TNRC6C: variants seen among roughly 807,000 people sequenced by gnomAD.
TNRC6C encodes trinucleotide repeat containing adaptor 6C.
A neutral mutation model predicts 153.7 loss-of-function variants in TNRC6C; 20 were observed. The observed-to-expected ratio is 0.13, with a 90% CI of 0.09 to 0.19. The LOEUF (loss-of-function observed/expected upper bound fraction) is 0.19, where lower values mean the gene tolerates loss of function less well. Ranked by LOEUF, TNRC6C falls within the 10% of genes least tolerant of loss-of-function variation. The pLI is 1.00. For missense variants in TNRC6C, 1,987 were observed against 2,172.0 expected (o/e 0.91, Z 1.69); for synonymous variants, 811 against 841.4 (o/e 0.96, Z 0.63).
At chr17:78,107,619 G>A (rs1161197749) in exon 20 of TNRC6C, 1 of 152,170 alleles carries the variant, frequency 6.6e-6, no homozygotes, top group Admixed American at 6.5e-5. Context: ...CCATTGTTTT[G>A]CTTTATTCTA....
chr17:78,013,985 C>T (rs1445290598), intron 1 of TNRC6C, among the ~76,000 whole-genome samples: 1 of 152,216 alleles, frequency 6.6e-6, no homozygotes. Context: ...GCCAATTTCT[C>T]TCCTCCTGCA....
exon 13 of TNRC6C, chr17:78,086,997 G>T: frequency 6.2e-7 from 1 of 1,613,766 alleles, no homozygotes; most frequent in Non-Finnish European, 8.5e-7. Flanking sequence ...ATCGGCCATG[G>T]ACAGCTTCCC....
At chr17:78,040,764 A>T (rs1173479361) in intron 2 of TNRC6C, among the ~76,000 whole-genome samples, 6 of 152,252 alleles carry the variant, frequency 3.9e-5, no homozygotes, top group African/African-American at 1.4e-4. Flanking sequence ...AAGAATTTAA[A>T]GAGGAAGGAA....
chr17:78,086,717 C>T lies in TNRC6C; in HGVS notation c.3561+131C>T, dbSNP rs113569784. 5.3e-5 allele frequency: 82 copies of T among 1,561,156 alleles called. No individual in the cohort carries two copies. In the African/African-American group the frequency reaches 6.9e-4, roughly 13 times the overall value. Reference sequence around the variant, plus strand: ...GCCTTCCTTTGAAAATTCCTGGGTTCAGCTAGGTTTGGGAGGAGGTTGGCC... The same window carrying T: ...GCCTTCCTTTGAAAATTCCTGGGTTTAGCTAGGTTTGGGAGGAGGTTGGCC... On this transcript the variant is annotated intron_variant, in intron 12 of 19. Coordinates refer to ENST00000301624, the Ensembl canonical transcript of TNRC6C.
At chr17:78,055,596 C>T (rs1178801596) in intron 3 of TNRC6C, among the ~76,000 whole-genome samples, 5 of 152,120 alleles carry the variant, frequency 3.3e-5, no homozygotes, top group Admixed American at 6.5e-5. Context: ...TTGACCAAAC[C>T]GTCATTATGC....
intron 6 of TNRC6C, among the ~76,000 whole-genome samples, chr17:78,071,995 T>C (rs936204279): frequency 1.3e-5 from 2 of 152,216 alleles, no homozygotes; most frequent in African/African-American, 4.8e-5. Context: ...GTCGCCCATA[T>C]TCGCCATGTA....
chr17:77,964,066 A>C (rs1000151454), intron 1 of TNRC6C, among the ~76,000 whole-genome samples: 1 of 152,192 alleles, frequency 6.6e-6, no homozygotes, highest in African/African-American at 2.4e-5. Flanking sequence ...GTCATCTGGA[A>C]TCTTCCAGAT....
chr17:78,019,403 T>C (rs940320461), intron 1 of TNRC6C, among the ~76,000 whole-genome samples: 1 of 152,266 alleles, frequency 6.6e-6, no homozygotes, highest in Non-Finnish European at 1.5e-5. Flanking sequence ...CTGTAGCCTG[T>C]CATTTTAGAA....
intron 9 of TNRC6C, 30 bp downstream of exon 11, chr17:78,077,364 G>A: frequency 1.3e-6 from 2 of 1,559,318 alleles, no homozygotes; most frequent in Non-Finnish European, 8.7e-7. Context: ...GCAAAACATG[G>A]CCTTTGTTTT....
At chr17:78,050,757 G>A (rs1411788340) in exon 3 of TNRC6C, 1 of 1,597,514 alleles carries the variant, frequency 6.3e-7, no homozygotes. Context: ...CAAATCAGGA[G>A]GACAAGTCAC....
rs1219661580 is a variant in TNRC6C, at chr17:77,961,157, C to CTT, written c.-38+1905_-38+1906dup. On this transcript the variant is annotated intron_variant, in intron 1 of 22. Transcript: ENST00000636222. ...CCTTGCTGACCTTACCTCGGTTTTA[C>CTT]TTTTTTTTTTTTTTTTTGAGACAGT... 3.4e-3 allele frequency among the ~76,000 whole-genome samples: 466 copies of CTT among 136,460 alleles called. 19 individuals are homozygous for CTT. The East Asian group carries it at 0.07, about 20-fold the overall frequency. The allele number at this position is 136,460 out of a possible 152,430, so 89.5% of individuals were successfully genotyped here. A position where few individuals can be genotyped will look rare whatever the true frequency, so the allele number is the denominator to read the frequency against.
At chr17:78,019,912 A>G (rs1467581669) in intron 1 of TNRC6C, among the ~76,000 whole-genome samples, 1 of 152,218 alleles carries the variant, frequency 6.6e-6, no homozygotes, top group Non-Finnish European at 1.5e-5. Flanking sequence ...TAATAGACCC[A>G]TAAGTGAGGA....
exon 20 of TNRC6C, chr17:78,107,495 A>G (rs2073721867): frequency 6.6e-6 from 1 of 152,212 alleles, no homozygotes; most frequent in Non-Finnish European, 1.5e-5. Flanking sequence ...AAAAGACACT[A>G]TGGATGTCTA....
chr17:78,105,013 T>C (rs2073667213), exon 20 of TNRC6C: 2 of 807,172 alleles, frequency 2.5e-6, no homozygotes, highest in Non-Finnish European at 3.4e-6. Flanking sequence ...CGCAAAACAG[T>C]GCGGGCTGCG....
chr17:77,977,873 AT>A (rs1227830113), intron 1 of TNRC6C, among the ~76,000 whole-genome samples: 6 of 132,504 alleles, frequency 4.5e-5, no homozygotes, highest in Non-Finnish European at 9.8e-5. Flanking sequence ...CAGTATCAGT[AT>A]TTTTTCTTTA....
At chr17:77,999,247 G>C (rs1420877231), upstream of TNRC6C, among the ~76,000 whole-genome samples, 2 of 152,172 alleles carry the variant, frequency 1.3e-5, no homozygotes, top group East Asian at 3.8e-4. Context: ...CCTTTCTTTA[G>C]TCCTCTGCTG....
At chr17:78,073,079 C>A in exon 7 of TNRC6C, 1 of 1,556,564 alleles carries the variant, frequency 6.4e-7, no homozygotes, top group Non-Finnish European at 8.7e-7. Context: ...CAATATGAAT[C>A]TTGATCAGGC....
At chr17:77,991,432 C>T (rs534581386) in intron 1 of TNRC6C, among the ~76,000 whole-genome samples, 3 of 152,306 alleles carry the variant, frequency 2.0e-5, no homozygotes, top group South Asian at 2.1e-4. Flanking sequence ...TAGATGGGCA[C>T]GTTTAGAGAC....
chr17:78,058,856 CT>C (rs1416378573), intron 3 of TNRC6C, among the ~76,000 whole-genome samples: 1 of 152,200 alleles, frequency 6.6e-6, no homozygotes, highest in African/African-American at 2.4e-5. Flanking sequence ...CATGTGGGTA[CT>C]TAATCTGGTG....
Sources: allele counts gnomAD v4.1 joint callset (sites outside exome capture counted in the v4.1 genomes callset), GRCh38; gene constraint gnomAD v4.1.1; transcripts MANE v1.5; gene names NCBI Gene and HGNC (gene_info 2026-07-23, HGNC 2026-07-21).